PLEC: variants seen among roughly 807,000 people sequenced by gnomAD.
PLEC encodes plectin.
A neutral mutation model predicts 392.8 loss-of-function variants in PLEC; 216 were observed. The observed-to-expected ratio is 0.55, with a 90% CI of 0.49 to 0.62. The LOEUF (loss-of-function observed/expected upper bound fraction) is 0.62, where lower values mean the gene tolerates loss of function less well. Ranked by LOEUF, PLEC falls within the 20% of genes least tolerant of loss-of-function variation. The pLI, the probability that PLEC is intolerant of heterozygous loss-of-function variation, is 0.00. For synonymous variants in PLEC, 3,621 were observed against 2,980.6 expected (o/e 1.21, Z -7.00); for missense variants, 6,863 against 6,563.4 (o/e 1.05, Z -1.58).
rs782585525 is a variant in PLEC at position 143,924,009 on chromosome 8, G to C, written c.5920C>G (p.Gln1974Glu). 8.5e-5 allele frequency: 135 copies of C among 1,586,646 alleles called. No individual in the cohort carries two copies. The highest frequency in any genetic ancestry group is 1.0e-4 in the Non-Finnish European group (117 of 1,172,158). The change falls in exon 31 of 32, where the codon CAG becomes GAG. Residue 1974 changes from glutamine (Q) to glutamate (E), a missense_variant. Transcript: ENST00000345136. ...CGCCGCTCCTCCTCCGCCGCCAGCT[G>C]CCGCTGCCTCGCAGCCTCCAGCTCG... ...QAELEAARQR[Q>E]LAAEEERRRR...
At position 143,932,361 on chromosome 8, in the gene PLEC, G is replaced by A. The variant is rs781963862; in HGVS notation, c.1977+39C>T. ...GGGACGGCCAGGGCACAGCTGGGGA[G>A]GGGGCTGTGGGGTTCAGGGCAGCTG... On this transcript the variant is annotated intron_variant, in intron 16 of 31. Coordinates refer to ENST00000345136, the MANE Select transcript of PLEC (RefSeq NM_201384.3). 1.1e-5 allele frequency: 17 copies of A among 1,611,046 alleles called. No homozygotes were observed. The South Asian group carries it at 1.8e-4, about 17-fold the overall frequency.
exon 1 of PLEC, chr8:143,950,249 G>A: frequency 6.4e-7 from 1 of 1,567,632 alleles, no homozygotes; most frequent in Non-Finnish European, 8.7e-7. Flanking sequence ...AGGCACCACA[G>A]GGGTCTCAGG....
intron 1 of PLEC, among the ~76,000 whole-genome samples, chr8:143,946,933 C>T (rs1831561420): frequency 6.6e-6 from 1 of 152,150 alleles, no homozygotes; most frequent in African/African-American, 2.4e-5. Flanking sequence ...CCCCAGGCAT[C>T]TGTCCAGGGG....
rs1056878466 is a variant in PLEC, at chr8:143,973,139, C to T, written c.70+264G>A. ...GGCTCAGACAGCCGACCCCGACAAG[C>T]CCTGAGCGCCCCCACCCGCCCGCGG... On this transcript the variant is annotated intron_variant, in intron 1 of 31. Transcript: ENST00000356346. This position sits in a 1 kb window ranked among gnomAD's most constrained non-coding sequence, Gnocchi z 5.6. 6.1e-4 allele frequency among the ~76,000 whole-genome samples: 93 copies of T among 152,242 alleles called. No homozygotes were observed. The Middle Eastern group carries it at 0.01, about 17-fold the overall frequency.
At chr8:143,926,921 A>G (rs1335225454) in intron 29 of PLEC, 39 bp from the exon 30 acceptor site, 1 of 1,606,502 alleles carries the variant, frequency 6.2e-7, no homozygotes, top group East Asian at 2.2e-5. Context: ...CGAGAGCTGC[A>G]GCTCCAGCCA....
chr8:143,947,862 T>G (rs1348958486), intron 1 of PLEC, among the ~76,000 whole-genome samples: 2 of 152,198 alleles, frequency 1.3e-5, no homozygotes, highest in African/African-American at 2.4e-5. Context: ...GCCCAGGGCC[T>G]TCCCATGGGT....
intron 1 of PLEC, among the ~76,000 whole-genome samples, chr8:143,966,606 C>T (rs1407942103): frequency 6.6e-6 from 1 of 152,166 alleles, no homozygotes; most frequent in African/African-American, 2.4e-5. Context: ...CCACCCAACG[C>T]TTGTTTCAAG....
At chr8:143,942,208 G>T (rs1316800393), upstream of PLEC, among the ~76,000 whole-genome samples, 1 of 151,866 alleles carries the variant, frequency 6.6e-6, no homozygotes. Flanking sequence ...CAAACAAATG[G>T]GGGTAGGGGA....
chr8:143,937,258 G>C lies in PLEC; in HGVS notation c.265-16C>G, dbSNP rs11993492. On this transcript the variant is annotated splice_polypyrimidine_tract_variant and intron_variant, in intron 3 of 31. Transcript: ENST00000345136. The stretch of plus-strand genomic sequence containing the variant: ...TCTCCCGGGGCTGTGGGGAGGCACA[G>C]TCAGCACCCACAGTGCAGCTGCAGC... The C allele has an allele frequency of 0.01, 16,298 of 1,603,674 alleles. 1,408 individuals carry two copies. In the African/African-American group the frequency reaches 0.19, roughly 19 times the overall value.
rs546512137 is a variant in PLEC, at chr8:143,923,855, C to T, written c.6074G>A (p.Arg2025Gln). The change falls in exon 31 of 32, where the codon CGG (arginine) becomes CAG (glutamine). Residue 2025 changes from arginine to glutamine, a missense_variant. Physicochemically the swap from Arg to Gln is conservative, Grantham distance 43 (BLOSUM62 1). Transcript: ENST00000345136. ...CGCCGACTCCTGCTCCGCTCGCTCCCGCAGGCGCCGCGCCTCCTCCACCTT... is the reference window on the plus strand; with the variant it reads ...CGCCGACTCCTGCTCCGCTCGCTCCTGCAGGCGCCGCGCCTCCTCCACCTT... ...KAKVEEARRL[R>Q]ERAEQESARQ... 49 of 1,590,160 alleles carry T rather than the reference C, an allele frequency of 3.1e-5. No homozygotes were observed. Among genetic ancestry groups the T allele is most frequent in the East Asian group, 2.5e-4 (11 of 44,360 alleles).
exon 1 of PLEC, chr8:143,950,252 G>A (rs1554734993): frequency 6.4e-7 from 1 of 1,570,580 alleles, no homozygotes; most frequent in Non-Finnish European, 8.6e-7. Flanking sequence ...CACCACAGGG[G>A]TCTCAGGTGA....
chr8:143,932,162 G>C lies in PLEC; in HGVS notation c.2050C>G (p.Arg684Gly). The change falls in exon 17 of 32, where the codon CGG (arginine) becomes GGG (glycine). Residue 684 changes from arginine (R) to glycine (G), a missense_variant. Coordinates refer to ENST00000345136, the MANE Select transcript of PLEC (RefSeq NM_201384.3). ...ELQNAGDRLL[R>G]EDHPARPTVE... Reference sequence around the variant, plus strand: ...GTGGGCCGGGCCGGGTGGTCCTCCCGCAGCAGCCGGTCCCCAGCATTTTGG... The same window carrying C: ...GTGGGCCGGGCCGGGTGGTCCTCCCCCAGCAGCCGGTCCCCAGCATTTTGG... 1 of 1,611,536 alleles carries C rather than the reference G, an allele frequency of 6.2e-7. No homozygotes were observed. The highest frequency in any genetic ancestry group is 8.5e-7 in the Non-Finnish European group (1 of 1,179,718).
Position 143,937,063 on chromosome 8 carries a change from C to G in PLEC, c.351G>C (p.Leu117=). 6.2e-7 allele frequency: 1 copy of G among 1,612,910 alleles called. No individual in the cohort carries two copies. The highest frequency in any genetic ancestry group is 8.5e-7 in the Non-Finnish European group (1 of 1,179,698). ...LDYLRHRQVK[L]VNIRNDDIAD... is the part of the protein sequence containing the mutation. The stretch of plus-strand genomic sequence containing the variant: ...CGATGTCATCATTCCTGATGTTCAC[C>G]AGCTTCACCTGTGAGCGAGGGGCTC... Residue 117 remains leucine, a synonymous_variant, in exon 5 of 32, where the codon CTG becomes CTC. Coordinates refer to ENST00000345136, the MANE Select transcript of PLEC (RefSeq NM_201384.3).
At chr8:143,967,256 G>A (rs536849756) in intron 1 of PLEC, among the ~76,000 whole-genome samples, 4 of 151,288 alleles carry the variant, frequency 2.6e-5, no homozygotes, top group South Asian at 2.1e-4. Flanking sequence ...CCAGCTACTC[G>A]GGAGCCTGAG....
chr8:143,952,294 C>T (rs1190990659), upstream of PLEC, among the ~76,000 whole-genome samples: 1 of 152,242 alleles, frequency 6.6e-6, no homozygotes, highest in Non-Finnish European at 1.5e-5. Context: ...GCCACGGTTC[C>T]CACAGCCCTC....
rs1554697035 is a variant in PLEC, at chr8:143,924,384, T to C, written c.5545A>G (p.Lys1849Glu). ...LAAIGEATRL[K>E]TEAEIALKEK... ...TTGAGCGCGATCTCCGCCTCCGTCT[T>C]GAGCCGCGTGGCCTCGCCGATGGCG... Residue 1849 changes from lysine to glutamate, a missense_variant, in exon 31 of 32, where the codon AAG becomes GAG. By Grantham distance (56) the Lys-to-Glu change is moderately conservative. Transcript: ENST00000345136. The C allele has an allele frequency of 6.3e-7, 1 of 1,595,964 alleles. No individual in the cohort carries two copies.
In PLEC at chr8:143,924,623, G is replaced by C. The variant is rs782682154; in HGVS notation, c.5306C>G (p.Ala1769Gly). ...CTCCTCCTCAGCCCTCGCCTTGCTG[G>C]CCAGCAGCACCTCCATCTCGGCCCG... ...KVRAEMEVLL[A>G]SKARAEEESR... The change falls in exon 31 of 32, where the codon GCC becomes GGC. Residue 1769 changes from alanine (A) to glycine (G), a missense_variant. Ala to Gly is a moderately conservative substitution (Grantham distance 60). Transcript: ENST00000345136. The C allele has an allele frequency of 5.2e-6, 8 of 1,540,094 alleles. No individual in the cohort carries two copies. Among genetic ancestry groups the C allele is most frequent in the Non-Finnish European group, 7.0e-6 (8 of 1,149,256 alleles).
chr8:143,921,441 T>C lies in PLEC; in HGVS notation c.8380A>G (p.Lys2794Glu). ...QQISLFQAMQ[K>E]GLIVREHGIR... The stretch of plus-strand genomic sequence containing the variant: ...CCGTGCTCCCGGACGATGAGGCCCT[T>C]CTGCATGGCTTGGAAGAGAGAGATC... The change falls in exon 32 of 32, where the codon AAG becomes GAG. Residue 2794 changes from lysine to glutamate, a missense_variant. Physicochemically the swap from Lys to Glu is moderately conservative, Grantham distance 56. Coordinates refer to ENST00000345136, the MANE Select transcript of PLEC (RefSeq NM_201384.3). 5 of 1,613,464 alleles carry C rather than the reference T, an allele frequency of 3.1e-6. No homozygotes were observed. Among genetic ancestry groups the C allele is most frequent in the Non-Finnish European group, 4.2e-6 (5 of 1,179,856 alleles).
At position 143,921,894 on chromosome 8, in the gene PLEC, C is replaced by G. The variant is rs782555020; in HGVS notation, c.7927G>C (p.Glu2643Gln). The G allele has an allele frequency of 5.6e-6, 9 of 1,600,514 alleles. No homozygotes were observed. The highest frequency in any genetic ancestry group is 4.0e-5 in the African/African-American group (3 of 74,934). The change falls in exon 32 of 32, where the codon GAG becomes CAG. Residue 2643 changes from glutamate (E) to glutamine (Q), a missense_variant. Transcript: ENST00000345136. Reference protein sequence around the residue: ...LDGPAAEAEPEHSFDGLRRKV... With the variant: ...LDGPAAEAEPQHSFDGLRRKV... ...CGCCGCAGGCCATCGAAGCTGTGCT[C>G]CGGCTCTGCCTCTGCCGCGGGGCCA...
Sources: allele counts gnomAD v4.1 joint callset (sites outside exome capture counted in the v4.1 genomes callset), GRCh38; gene constraint gnomAD v4.1.1; non-coding constraint Gnocchi (gnomAD v3.1); transcripts MANE v1.5; gene names NCBI Gene and HGNC (gene_info 2026-07-23, HGNC 2026-07-21).